Variants in SEPTIN7 observed in about 807,000 individuals in gnomAD.
SEPTIN7 encodes the protein septin 7.
SEPTIN7 carries 10 observed loss-of-function variants against 63.3 expected under a neutral mutation model. The observed-to-expected ratio is 0.16, with a 90% CI of 0.10 to 0.27. The LOEUF (loss-of-function observed/expected upper bound fraction) is 0.27. SEPTIN7 is among the 10% of genes least tolerant of loss of function. The pLI is 1.00. For synonymous variants in SEPTIN7, 131 were observed against 165.3 expected (o/e 0.79, Z 1.59); for missense variants, 310 against 521.0 (o/e 0.59, Z 3.94).
chr7:35,848,350 C>A (rs1358118491), intron 3 of SEPTIN7, among the ~76,000 whole-genome samples: 1 of 150,870 alleles, frequency 6.6e-6, no homozygotes, highest in Non-Finnish European at 1.5e-5. Flanking sequence ...TCACTGCAAG[C>A]TCCGCCTCCC....
rs142123140 is a variant in SEPTIN7, at chr7:35,885,953, G to A, written c.872+74G>A. The A allele has an allele frequency of 8.2e-4, 850 of 1,036,032 alleles. 3 individuals are homozygous for A. In the African/African-American group the frequency reaches 0.011, roughly 14 times the overall value. 64.2% of individuals were successfully genotyped at this position (1,036,032 alleles called of 1,614,324 possible). A position where few individuals can be genotyped will look rare whatever the true frequency, so the allele number is the denominator to read the frequency against. On this transcript the variant is annotated intron_variant, in intron 10 of 13. Coordinates refer to ENST00000350320, the MANE Select transcript of SEPTIN7 (RefSeq NM_001788.6). ...TAAGAGTTGGACAGATTTACTTTTTGCCTTCTATAAATGTAGCTAATTTAA... is the reference window on the plus strand; with the variant it reads ...TAAGAGTTGGACAGATTTACTTTTTACCTTCTATAAATGTAGCTAATTTAA...
At chr7:35,859,209 T>C (rs1288654588) in intron 3 of SEPTIN7, among the ~76,000 whole-genome samples, 1 of 152,136 alleles carries the variant, frequency 6.6e-6, no homozygotes, top group Non-Finnish European at 1.5e-5. Context: ...GTTTTTATTT[T>C]TATTTTGTCT....
chr7:35,878,006 ATACTG>A (rs1477834627), intron 6 of SEPTIN7, among the ~76,000 whole-genome samples: 4 of 152,196 alleles, frequency 2.6e-5, no homozygotes, highest in Admixed American at 6.5e-5. Flanking sequence ...AATTTATTGA[ATACTG>A]TACTGAAAGT....
intron 1 of SEPTIN7, among the ~76,000 whole-genome samples, chr7:35,821,991 G>A (rs1386040711): frequency 6.6e-6 from 1 of 152,074 alleles, no homozygotes. Context: ...GGCTGGTCTC[G>A]AACTCCTGAC....
chr7:35,803,529 TTGA>T, intron 1 of SEPTIN7, among the ~76,000 whole-genome samples: 1 of 152,326 alleles, frequency 6.6e-6, no homozygotes, highest in East Asian at 1.9e-4. Flanking sequence ...TTTGTATAAT[TTGA>T]TGATATACAT....
At chr7:35,872,839 C>T in intron 5 of SEPTIN7, 73 bp downstream of exon 5, 1 of 990,018 alleles carries the variant, frequency 1.0e-6, no homozygotes. Context: ...TTCTTCTTAA[C>T]ATTTTAAAAC....
At chr7:35,869,064 G>C (rs1785987130) in intron 4 of SEPTIN7, among the ~76,000 whole-genome samples, 1 of 152,162 alleles carries the variant, frequency 6.6e-6, no homozygotes, top group African/African-American at 2.4e-5. Context: ...GAATTTTATG[G>C]TATAGGAATA....
chr7:35,820,412 T>C lies in SEPTIN7; in HGVS notation c.62-11080T>C, dbSNP rs747137557. On this transcript the variant is annotated intron_variant, in intron 1 of 13. Coordinates refer to ENST00000350320, the MANE Select transcript of SEPTIN7 (RefSeq NM_001788.6). ...TTCATGTTTGATTTTGTTCTGTAGG[T>C]CTCTGGCTCTGTTCATTTTTCTTTC... Among the ~76,000 whole-genome samples, 128 of 152,110 alleles carry C rather than the reference T, an allele frequency of 8.4e-4. 1 individual carries two copies. Among genetic ancestry groups the C allele is most frequent in the Non-Finnish European group, 9.0e-4 (61 of 68,032 alleles).
chr7:35,815,339 A>G (rs1314804014), intron 1 of SEPTIN7, among the ~76,000 whole-genome samples: 1 of 152,204 alleles, frequency 6.6e-6, no homozygotes, highest in African/African-American at 2.4e-5. Flanking sequence ...GGTAGGCAAT[A>G]TATGAATTTA....
At chr7:35,807,832 G>A (rs1031394918) in intron 1 of SEPTIN7, among the ~76,000 whole-genome samples, 2 of 151,492 alleles carry the variant, frequency 1.3e-5, no homozygotes, top group African/African-American at 4.9e-5. Flanking sequence ...GTTTTTTGTT[G>A]TTGTTTTGTT....
rs762372830 is a variant in SEPTIN7 at position 35,879,652 on chromosome 7, A to T, written c.513-171A>T. Reference sequence around the variant, plus strand: ...AGGAGTCAAAGCCTTAGCCACTCCAATGCTTCTTGAAGTCCTGTTCTACCT... The same window carrying T: ...AGGAGTCAAAGCCTTAGCCACTCCATTGCTTCTTGAAGTCCTGTTCTACCT... On this transcript the variant is annotated intron_variant, in intron 6 of 13. Transcript: ENST00000350320. 15 of 552,892 alleles carry T rather than the reference A, an allele frequency of 2.7e-5. No individual in the cohort carries two copies. The South Asian group carries it at 3.0e-4, about 11-fold the overall frequency. The allele number at this position is 552,892 out of a possible 1,614,324, so 34.2% of individuals were successfully genotyped here.
intron 1 of SEPTIN7, among the ~76,000 whole-genome samples, chr7:35,824,412 C>T (rs1783398853): frequency 6.6e-6 from 1 of 152,122 alleles, no homozygotes; most frequent in Non-Finnish European, 1.5e-5. Context: ...CTGCTTCCTA[C>T]TCTGTATGCT....
chr7:35,872,492 G>A lies in SEPTIN7; in HGVS notation c.277-174G>A, dbSNP rs540378316. Reference sequence around the variant, plus strand: ...ATATGCTTTTCTTTCAAATAATCTGGATTTCCAATGCCCGCTATCATCAAT... The same window carrying A: ...ATATGCTTTTCTTTCAAATAATCTGAATTTCCAATGCCCGCTATCATCAAT... On this transcript the variant is annotated intron_variant, in intron 4 of 13. Transcript: ENST00000350320. Among the ~76,000 whole-genome samples, 15 of 152,178 alleles carry A rather than the reference G, an allele frequency of 9.9e-5. No homozygotes were observed. The South Asian group carries it at 2.3e-3, about 23-fold the overall frequency.
At chr7:35,810,448 C>T (rs139305425) in intron 1 of SEPTIN7, among the ~76,000 whole-genome samples, 2,680 of 151,968 alleles carry the variant, frequency 0.018, 72 homozygotes, top group African/African-American at 0.06. Context: ...CTCAGCCTCC[C>T]GAGTAGCTGG....
intron 6 of SEPTIN7, 174 bp downstream of exon 6, chr7:35,873,949 A>G: frequency 1.8e-6 from 1 of 564,204 alleles, no homozygotes; most frequent in Non-Finnish European, 3.0e-6. Flanking sequence ...GTCCTATATA[A>G]GCTAACAGTG....
chr7:35,857,178 G>T (rs769393161), intron 3 of SEPTIN7, among the ~76,000 whole-genome samples: 1 of 152,110 alleles, frequency 6.6e-6, no homozygotes, highest in Non-Finnish European at 1.5e-5. Context: ...GCTTTGCCCA[G>T]AGCCAACTTA....
chr7:35,900,280 A>G (rs1788238685), intron 12 of SEPTIN7: 1 of 152,202 alleles, frequency 6.6e-6, no homozygotes, highest in Non-Finnish European at 1.5e-5. Flanking sequence ...AGTTTAATTT[A>G]GCAGGGGTAT....
chr7:35,895,337 A>G (rs1423317947), intron 11 of SEPTIN7, among the ~76,000 whole-genome samples: 2 of 152,190 alleles, frequency 1.3e-5, no homozygotes, highest in Non-Finnish European at 2.9e-5. Flanking sequence ...TAAAAATTTG[A>G]AAGATCATTT....
At chr7:35,882,160 A>T (rs3779233) in intron 7 of SEPTIN7, among the ~76,000 whole-genome samples, 49,484 of 151,788 alleles carry the variant, frequency 0.33, 8,299 homozygotes, top group East Asian at 0.41. Context: ...TAAATGACCT[A>T]AAGTCATTAT....
Sources: allele counts gnomAD v4.1 joint callset (sites outside exome capture counted in the v4.1 genomes callset), GRCh38; gene constraint gnomAD v4.1.1; transcripts MANE v1.5; gene names NCBI Gene and HGNC (gene_info 2026-07-23, HGNC 2026-07-21).